Variants in GMPS observed in about 807,000 individuals in gnomAD.
The protein encoded by GMPS is GMP synthase [glutamine-hydrolyzing].
In GMPS, 15 loss-of-function variants were observed where a neutral mutation model predicts 77.9. The ratio of observed to expected loss-of-function variants is 0.19; its 90% CI spans 0.13 to 0.30. GMPS has a LOEUF of 0.30. GMPS is among the 10% of genes least tolerant of loss of function. GMPS has a pLI of 1.00. For synonymous variants in GMPS, 224 were observed against 275.9 expected (o/e 0.81, Z 1.86); for missense variants, 590 against 838.8 (o/e 0.70, Z 3.66).
At chr3:155,916,796 A>G (rs1363498004) in intron 9 of GMPS, among the ~76,000 whole-genome samples, 2 of 152,134 alleles carry the variant, frequency 1.3e-5, no homozygotes, top group African/African-American at 2.4e-5. Context: ...TAGAATTGCT[A>G]GGTCTTAAGG....
chr3:155,928,081 C>T (rs947552738), intron 12 of GMPS, among the ~76,000 whole-genome samples: 22 of 129,176 alleles, frequency 1.7e-4, no homozygotes, highest in African/African-American at 6.2e-4. Flanking sequence ...GGCTGGAGCA[C>T]AGTGGCTTGA....
intron 1 of GMPS, among the ~76,000 whole-genome samples, chr3:155,876,519 C>G (rs937585691): frequency 3.9e-5 from 6 of 152,210 alleles, no homozygotes; most frequent in Non-Finnish European, 7.3e-5. Context: ...GAAAGTTTAA[C>G]AAACCCGTCC....
intron 5 of GMPS, 113 bp from the exon 6 acceptor site, chr3:155,910,579 A>G: frequency 3.6e-6 from 2 of 551,066 alleles, no homozygotes; most frequent in South Asian, 5.8e-5. Context: ...AAAAAAAAAA[A>G]AAAAAAAAAA....
rs1754641839 is a variant in GMPS, at chr3:155,897,987, T to C, written c.270T>C (p.Asp90=). 6.2e-7 allele frequency: 1 copy of C among 1,611,590 alleles called. No individual in the cohort carries two copies. The highest frequency in any genetic ancestry group is 8.5e-7 in the Non-Finnish European group (1 of 1,177,838). Residue 90 remains aspartate (D), a synonymous_variant, in exon 3 of 16, where the codon GAT becomes GAC. Coordinates refer to ENST00000496455, the MANE Select transcript of GMPS (RefSeq NM_003875.3). The part of the protein sequence containing the change: ...SVYAEDAPWF[D]PAIFTIGKPV... Reference sequence around the variant, plus strand: ...ATGCTGAAGATGCTCCCTGGTTTGATCCAGCAATATTCACTATTGGCAAGC... The same window carrying C: ...ATGCTGAAGATGCTCCCTGGTTTGACCCAGCAATATTCACTATTGGCAAGC...
intron 13 of GMPS, among the ~76,000 whole-genome samples, chr3:155,932,789 A>T (rs1278890659): frequency 6.6e-6 from 1 of 152,248 alleles, no homozygotes. Context: ...CAGGGAAGCC[A>T]TGTTTTTACC....
chr3:155,881,582 C>T (rs1240282501), intron 1 of GMPS, among the ~76,000 whole-genome samples: 1 of 152,120 alleles, frequency 6.6e-6, no homozygotes, highest in Non-Finnish European at 1.5e-5. Context: ...TTAGCTATTG[C>T]CACGGTAATG....
chr3:155,893,337 C>T (rs1754519426), intron 1 of GMPS, among the ~76,000 whole-genome samples, 181 bp from the exon 2 acceptor site: 1 of 152,056 alleles, frequency 6.6e-6, no homozygotes, highest in Non-Finnish European at 1.5e-5. Flanking sequence ...AATATATGCC[C>T]ATGCATGGAT....
intron 11 of GMPS, among the ~76,000 whole-genome samples, chr3:155,923,546 A>G (rs187027855): frequency 3.7e-4 from 57 of 152,312 alleles, no homozygotes; most frequent in African/African-American, 1.2e-3. Context: ...GAACAGATCA[A>G]TTACCTACCC....
At chr3:155,921,589 G>T (rs938673150) in intron 10 of GMPS, among the ~76,000 whole-genome samples, 1 of 152,130 alleles carries the variant, frequency 6.6e-6, no homozygotes, top group Non-Finnish European at 1.5e-5. Context: ...CGAGCTTCTG[G>T]AGTTCAAGAC....
At chr3:155,873,120 A>C (rs1207589446) in intron 1 of GMPS, among the ~76,000 whole-genome samples, 1 of 152,158 alleles carries the variant, frequency 6.6e-6, no homozygotes, top group African/African-American at 2.4e-5. Flanking sequence ...TCATAAATTA[A>C]AAGTTGGGCA....
chr3:155,888,659 C>T (rs1453766566), intron 1 of GMPS, among the ~76,000 whole-genome samples: 6 of 150,944 alleles, frequency 4.0e-5, no homozygotes, highest in East Asian at 3.9e-4. Context: ...GATCTCAGCT[C>T]GCTGCAACCT....
rs1755859196 is a variant in GMPS, at chr3:155,940,343, C to G, written c.*2651C>G. 5.0e-6 allele frequency: 1 copy of G among 201,656 alleles called. No homozygotes were observed. Among genetic ancestry groups the G allele is most frequent in the Non-Finnish European group, 1.0e-5 (1 of 98,230 alleles). 12.5% of individuals were successfully genotyped at this position (201,656 alleles called of 1,614,324 possible). On this transcript the variant is annotated 3_prime_UTR_variant, in exon 16 of 16. Transcript: ENST00000496455. ...AACAGCCTGGCATAATTCCTAAATA[C>G]AAGTCTGTAGATATATCCAGGAGAT...
chr3:155,877,658 T>G (rs1017713041), intron 1 of GMPS, among the ~76,000 whole-genome samples: 2 of 152,134 alleles, frequency 1.3e-5, no homozygotes, highest in Middle Eastern at 3.2e-3. Context: ...AGAAACTGAG[T>G]GGCTTATGAA....
chr3:155,923,044 A>G (rs975310827), intron 11 of GMPS, among the ~76,000 whole-genome samples: 3 of 152,330 alleles, frequency 2.0e-5, no homozygotes, highest in African/African-American at 7.2e-5. Context: ...GTATGGCACC[A>G]TGAATGAGAA....
intron 1 of GMPS, among the ~76,000 whole-genome samples, chr3:155,881,168 T>A (rs1455546005): frequency 7.1e-6 from 1 of 141,338 alleles, no homozygotes; most frequent in South Asian, 2.3e-4. Flanking sequence ...ATATTAGTTT[T>A]TTTTTTTTTT....
chr3:155,884,372 C>T (rs1039353678), intron 1 of GMPS, among the ~76,000 whole-genome samples: 35 of 145,186 alleles, frequency 2.4e-4, no homozygotes, highest in African/African-American at 8.7e-4. Context: ...GGCAACAGAG[C>T]GAGACTCTGC....
At chr3:155,873,288 A>G (rs1325062542) in intron 1 of GMPS, among the ~76,000 whole-genome samples, 4 of 151,872 alleles carry the variant, frequency 2.6e-5, no homozygotes, top group Non-Finnish European at 5.9e-5. Context: ...TTTAATTTTT[A>G]ATTTATATTA....
At chr3:155,916,614 G>C (rs1377173258) in intron 9 of GMPS, among the ~76,000 whole-genome samples, 3 of 152,070 alleles carry the variant, frequency 2.0e-5, no homozygotes, top group Non-Finnish European at 4.4e-5. Context: ...CCTATTTATT[G>C]CCAGATAATA....
intron 5 of GMPS, among the ~76,000 whole-genome samples, chr3:155,906,645 A>G (rs1037506911): frequency 6.6e-6 from 1 of 152,162 alleles, no homozygotes; most frequent in African/African-American, 2.4e-5. Context: ...CATAGCCCAT[A>G]GCACCCAAAT....
Sources: allele counts gnomAD v4.1 joint callset (sites outside exome capture counted in the v4.1 genomes callset), GRCh38; gene constraint gnomAD v4.1.1; transcripts MANE v1.5; gene names NCBI Gene and HGNC (gene_info 2026-07-23, HGNC 2026-07-21).